The following SLC22A4 variants were observed in gnomAD, a reference collection of about 807,000 sequenced individuals.
SLC22A4 encodes solute carrier family 22 member 4.
SLC22A4 carries 39 observed loss-of-function variants against 56.6 expected under a neutral mutation model. The observed-to-expected ratio is 0.69, with a 90% CI of 0.53 to 0.90. SLC22A4 has a LOEUF of 0.90. Ranked by LOEUF, SLC22A4 falls within the 40% of genes least tolerant of loss-of-function variation. The probability of loss-of-function intolerance (pLI) is 0.00; values close to 1 mark genes in which losing one functional copy is unlikely to be tolerated. For synonymous variants in SLC22A4, 241 were observed against 281.4 expected, an observed-to-expected ratio of 0.86 and a Z score of 1.44; for missense variants, 594 against 696.5, an observed-to-expected ratio of 0.85 and a Z score of 1.66.
In SLC22A4 at chr5:132,294,435, C is replaced by G. The variant is rs1749724736; in HGVS notation, c.-182C>G. The G allele has an allele frequency of 1.3e-6, 1 of 755,004 alleles. No homozygotes were observed. The highest frequency in any genetic ancestry group is 2.7e-5 in the East Asian group (1 of 37,232). 46.8% of individuals were successfully genotyped at this position (755,004 alleles called of 1,614,324 possible). A position where few individuals can be genotyped will look rare whatever the true frequency, so the allele number is the denominator to read the frequency against. On this transcript the variant is annotated 5_prime_UTR_variant, in exon 1 of 10. Transcript: ENST00000200652. This position sits in a 1 kb window ranked among gnomAD's most constrained non-coding sequence, Gnocchi z 5.6. ...CAAGCTCAGCGCGAGCTCCCGGGAA[C>G]GCTCCAACGCCTTCAGCCTGTTTCC...
At chr5:132,299,271 G>A (rs932404278) in intron 1 of SLC22A4, among the ~76,000 whole-genome samples, 5 of 152,104 alleles carry the variant, frequency 3.3e-5, no homozygotes, top group African/African-American at 1.2e-4. Context: ...TCTGAGTTGG[G>A]GTTTGCGTGA....
intron 1 of SLC22A4, among the ~76,000 whole-genome samples, chr5:132,309,204 G>C (rs1417709833): frequency 1.3e-5 from 2 of 152,208 alleles, no homozygotes; most frequent in Non-Finnish European, 2.9e-5. Context: ...CTTCGCTCCA[G>C]GTAGAACTTC....
chr5:132,340,063 G>GTTTTTTTTTTTTTTTTTT (rs4646203), intron 8 of SLC22A4, among the ~76,000 whole-genome samples: 1 of 94,868 alleles, frequency 1.1e-5, no homozygotes, highest in Non-Finnish European at 2.1e-5. Context: ...ATACTTAGTT[G>GTTTTTTTTTTTTTTTTTT]TTTTTTTTTT....
chr5:132,299,590 C>T lies in SLC22A4; in HGVS notation c.393+4581C>T, dbSNP rs60229108. ...GATTACAGGGGCCTGCTACCATGCC[C>T]GGCTAGTTTTTTGTTTGTTTGTTTG... On this transcript the variant is annotated intron_variant, in intron 1 of 9. Transcript: ENST00000200652. Among the ~76,000 whole-genome samples the T allele has an allele frequency of 8.4e-4, 126 of 150,566 alleles. 2 individuals carry two copies. In the East Asian group the frequency reaches 0.02, roughly 24 times the overall value.
intron 3 of SLC22A4, 127 bp downstream of exon 3, chr5:132,313,895 C>A: frequency 9.8e-7 from 1 of 1,023,344 alleles, no homozygotes. Context: ...GGGAGGGAGC[C>A]GTAGCCACAG....
chr5:132,302,411 A>G (rs3792878), intron 1 of SLC22A4, among the ~76,000 whole-genome samples: 6,597 of 152,154 alleles, frequency 0.043, 396 homozygotes, highest in African/African-American at 0.13. Context: ...TAGGTGTAAG[A>G]CTAATACAGG....
In SLC22A4 at chr5:132,327,416, A is replaced by C; in HGVS notation, c.951+13A>C. 6.2e-7 allele frequency: 1 copy of C among 1,610,226 alleles called. No homozygotes were observed. Among genetic ancestry groups the C allele is most frequent in the South Asian group, 1.1e-5 (1 of 91,012 alleles). On this transcript the variant is annotated intron_variant, in intron 5 of 9. Coordinates refer to ENST00000200652, the MANE Select transcript of SLC22A4 (RefSeq NM_003059.3). ...TGATTCTGTGGAGGTAAGCATTTGC[A>C]GATGTTTCCTCTTGAGATCAGCTAT... is the stretch of plus-strand genomic sequence containing the variant.
intron 5 of SLC22A4, among the ~76,000 whole-genome samples, chr5:132,328,930 T>TATATATACAC (rs1475251337): frequency 4.1e-4 from 9 of 21,950 alleles, no homozygotes; most frequent in African/African-American, 2.9e-3. Flanking sequence ...TATATATATA[T>TATATATACAC]ACACACACAC....
intron 9 of SLC22A4, among the ~76,000 whole-genome samples, chr5:132,341,810 T>C (rs1751227536): frequency 6.6e-6 from 1 of 151,958 alleles, no homozygotes; most frequent in African/African-American, 2.4e-5. Context: ...TAGCCAGGCA[T>C]GGTGGCGCAC....
At chr5:132,324,351 G>A (rs1561542855) in intron 4 of SLC22A4, 1 of 370,230 alleles carries the variant, frequency 2.7e-6, no homozygotes, top group South Asian at 2.0e-5. Context: ...GAACAGCTCT[G>A]ATCCATTAGC....
chr5:132,320,759 T>G (rs1750508390), intron 3 of SLC22A4: 1 of 152,228 alleles, frequency 6.6e-6, no homozygotes, highest in South Asian at 2.1e-4. Flanking sequence ...TGGAATTAGC[T>G]CTTAATCCCT....
chr5:132,333,916 C>G (rs182052708), intron 6 of SLC22A4, among the ~76,000 whole-genome samples: 2 of 152,176 alleles, frequency 1.3e-5, no homozygotes, highest in East Asian at 3.8e-4. Flanking sequence ...AGCAATTCTC[C>G]TGTCTCAGCC....
At chr5:132,329,444 CA>C (rs1430418409) in intron 5 of SLC22A4, among the ~76,000 whole-genome samples, 2 of 151,524 alleles carry the variant, frequency 1.3e-5, no homozygotes, top group African/African-American at 4.9e-5. Flanking sequence ...TACCAAATGC[CA>C]GGCACTGTGT....
At chr5:132,330,683 G>A (rs570539305) in intron 5 of SLC22A4, among the ~76,000 whole-genome samples, 12 of 151,992 alleles carry the variant, frequency 7.9e-5, no homozygotes, top group African/African-American at 2.7e-4. Context: ...CTGAGATCGC[G>A]CCACTGTACT....
rs368895313 is a variant in SLC22A4, at chr5:132,333,402, G to A, written c.1047-1316G>A. On this transcript the variant is annotated intron_variant, in intron 6 of 9. Transcript: ENST00000200652. Reference sequence around the variant, plus strand: ...GGAAAGCAGGCACTTCTAAAAGGCAGGGGAGGACGCGAGCAGGTGAGGGAT... The same window carrying A: ...GGAAAGCAGGCACTTCTAAAAGGCAAGGGAGGACGCGAGCAGGTGAGGGAT... Among the ~76,000 whole-genome samples, 31 of 152,364 alleles carry A rather than the reference G, an allele frequency of 2.0e-4. No homozygotes were observed. In the South Asian group the frequency reaches 6.0e-3, roughly 30 times the overall value.
Position 132,312,236 on chromosome 5 carries a change from T to A in SLC22A4, c.469T>A (p.Ser157Thr), listed in dbSNP as rs1159240572. The change falls in exon 2 of 10, where the codon TCC becomes ACC. Residue 157 changes from serine (S) to threonine (T), a missense_variant. By Grantham distance (58) the Ser-to-Thr change is moderately conservative (BLOSUM62 1). Transcript: ENST00000200652. ...GTTCTTCGTAGGCGTGCTCCTCGGC[T>A]CCTTCGTGTCCGGGCAGCTGTCAGA... The part of the protein sequence containing the change: ...SLFFVGVLLG[S>T]FVSGQLSDRF... 1.2e-6 allele frequency: 2 copies of A among 1,613,376 alleles called. No homozygotes were observed. The highest frequency in any genetic ancestry group is 1.3e-5 in the African/African-American group (1 of 74,986).
chr5:132,327,292 T>C lies in SLC22A4; in HGVS notation c.840T>C (p.Ser280=), dbSNP rs1448398986. The part of the protein sequence containing the change: ...CVPLWWFIPE[S]PRWLISQRRF... ...TAAATTATAGGTTCATTCCTGAATC[T>C]CCCCGATGGCTGATATCCCAGAGAA... The change falls in exon 5 of 10, where the codon TCT becomes TCC. Residue 280 remains serine, a synonymous_variant. Coordinates refer to ENST00000200652, the MANE Select transcript of SLC22A4 (RefSeq NM_003059.3). 5 of 1,599,250 alleles carry C rather than the reference T, an allele frequency of 3.1e-6. No homozygotes were observed.
In SLC22A4 at chr5:132,294,402, A is replaced by T; in HGVS notation, c.-215A>T. The T allele has an allele frequency of 1.6e-6, 1 of 637,826 alleles. No individual in the cohort carries two copies. The highest frequency in any genetic ancestry group is 2.7e-6 in the Non-Finnish European group (1 of 363,894). The allele number at this position is 637,826 out of a possible 1,614,324, so 39.5% of individuals were successfully genotyped here. A position where few individuals can be genotyped will look rare whatever the true frequency, so the allele number is the denominator to read the frequency against. ...GATGGGGGTGTGGTCCCAAGTGTAC[A>T]GTGGCATCAAGCTCAGCGCGAGCTC... On this transcript the variant is annotated 5_prime_UTR_variant, in exon 1 of 10. Coordinates refer to ENST00000200652, the MANE Select transcript of SLC22A4 (RefSeq NM_003059.3). This position sits in a 1 kb window ranked among gnomAD's most constrained non-coding sequence, Gnocchi z 5.6.
chr5:132,307,115 A>C (rs533046469), intron 1 of SLC22A4, among the ~76,000 whole-genome samples: 1 of 152,370 alleles, frequency 6.6e-6, no homozygotes, highest in African/African-American at 2.4e-5. Flanking sequence ...TATAAATCAT[A>C]TCTCAATAAA....
Sources: gnomAD v4.1 joint callset for allele counts (sites outside exome capture counted in the v4.1 genomes callset) on GRCh38, gnomAD v4.1.1 for gene constraint, Gnocchi (gnomAD v3.1) non-coding constraint, MANE v1.5 for transcripts, NCBI Gene and HGNC (gene_info 2026-07-23, HGNC 2026-07-21) for gene names.